Variants in GLIS3 observed in about 807,000 individuals in gnomAD.
GLIS3 encodes zinc finger protein GLIS3.
GLIS3 carries 53 observed loss-of-function variants against 78.6 expected under a neutral mutation model. The observed-to-expected ratio is 0.67, with a 90% CI of 0.54 to 0.85. The LOEUF is 0.85. GLIS3 is among the 40% of genes least tolerant of loss of function. The pLI is 0.00. For missense variants in GLIS3, 1,703 were observed against 1,231.1 expected (o/e 1.38, Z -5.74); for synonymous variants, 684 against 509.9 (o/e 1.34, Z -4.60).
intron 7 of GLIS3, among the ~76,000 whole-genome samples, chr9:3,891,781 A>G (rs889942561): frequency 6.6e-6 from 1 of 150,874 alleles, no homozygotes; most frequent in Non-Finnish European, 1.5e-5. Context: ...CTCCAGAACT[A>G]TGAATCCTAG....
intron 2 of GLIS3, among the ~76,000 whole-genome samples, chr9:4,322,000 G>A (rs1817536339): frequency 6.6e-6 from 1 of 152,046 alleles, no homozygotes; most frequent in Non-Finnish European, 1.5e-5. Flanking sequence ...TTCACATTAG[G>A]TATTTCTCCT....
intron 2 of GLIS3, among the ~76,000 whole-genome samples, chr9:4,216,479 C>CAAAAA (rs71324289): frequency 1.3e-5 from 1 of 77,048 alleles, no homozygotes; most frequent in Non-Finnish European, 2.7e-5. Context: ...GACTCTGTCT[C>CAAAAA]AAAAAAAAAA....
the GLIS3 span, among the ~76,000 whole-genome samples, chr9:4,407,186 A>G: frequency 1.3e-5 from 2 of 152,356 alleles, no homozygotes; most frequent in East Asian, 3.9e-4. Context: ...AAGAACATAT[A>G]TTGGGAAAAG....
chr9:4,252,627 T>C (rs1000522299), intron 2 of GLIS3, among the ~76,000 whole-genome samples: 6 of 152,180 alleles, frequency 3.9e-5, no homozygotes, highest in African/African-American at 1.4e-4. Context: ...ATCAAACTCA[T>C]TCTCCATCCA....
chr9:4,211,581 T>C (rs1006666533), intron 2 of GLIS3, among the ~76,000 whole-genome samples: 5 of 152,254 alleles, frequency 3.3e-5, no homozygotes, highest in African/African-American at 1.2e-4. Context: ...TTAGCAGACA[T>C]GTAAAATGGT....
chr9:4,336,564 C>T (rs1454227088), intron 2 of GLIS3, among the ~76,000 whole-genome samples: 3 of 152,114 alleles, frequency 2.0e-5, no homozygotes, highest in Non-Finnish European at 4.4e-5. Context: ...ATATAGTTTC[C>T]GTTTTATGGA....
At chr9:4,326,525 G>C (rs939534443) in intron 2 of GLIS3, among the ~76,000 whole-genome samples, 1 of 151,704 alleles carries the variant, frequency 6.6e-6, no homozygotes, top group Non-Finnish European at 1.5e-5. Flanking sequence ...AAGTGGAGTA[G>C]TGTTTACCAG....
At chr9:4,132,754 G>A (rs181513157) in intron 2 of GLIS3, among the ~76,000 whole-genome samples, 12 of 152,184 alleles carry the variant, frequency 7.9e-5, no homozygotes, top group Admixed American at 7.2e-4. Flanking sequence ...ATTCTTAATA[G>A]GTCCAAAATG....
At chr9:4,055,518 T>C (rs1826071882) in intron 4 of GLIS3, among the ~76,000 whole-genome samples, 2 of 152,142 alleles carry the variant, frequency 1.3e-5, no homozygotes, top group South Asian at 4.1e-4. Flanking sequence ...AAGCTTAAAA[T>C]ATGTCATTAC....
At chr9:4,335,018 C>G (rs1009089355) in intron 2 of GLIS3, among the ~76,000 whole-genome samples, 3 of 147,550 alleles carry the variant, frequency 2.0e-5, no homozygotes, top group African/African-American at 7.5e-5. Flanking sequence ...ATGCCATTCT[C>G]CTGCCTCAGC....
chr9:4,449,505 C>T, the GLIS3 span, among the ~76,000 whole-genome samples: 1 of 152,220 alleles, frequency 6.6e-6, no homozygotes, highest in South Asian at 2.1e-4. Flanking sequence ...TGAGAATGGA[C>T]AGACTGCCTC....
intron 2 of GLIS3, among the ~76,000 whole-genome samples, chr9:4,138,592 T>C (rs907900285): frequency 6.6e-6 from 1 of 152,072 alleles, no homozygotes; most frequent in African/African-American, 2.4e-5. Flanking sequence ...TGAGGAAGTA[T>C]TATGGAGGCA....
the GLIS3 span, among the ~76,000 whole-genome samples, chr9:4,389,062 G>C: frequency 6.6e-6 from 1 of 152,178 alleles, no homozygotes; most frequent in Non-Finnish European, 1.5e-5. Flanking sequence ...CACAGCCTCC[G>C]TAAGCCTGAA....
chr9:3,837,901 T>G (rs1257518521), intron 9 of GLIS3, among the ~76,000 whole-genome samples: 1 of 151,630 alleles, frequency 6.6e-6, no homozygotes, highest in Non-Finnish European at 1.5e-5. Flanking sequence ...CTGTGGACTT[T>G]GAGTGAAACT....
chr9:4,366,128 C>T, the GLIS3 span, among the ~76,000 whole-genome samples: 80 of 152,030 alleles, frequency 5.3e-4, no homozygotes, highest in African/African-American at 1.8e-3. Context: ...TGAGATAGGA[C>T]AGAGGATATA....
At chr9:4,129,299 T>C (rs574147503) in intron 2 of GLIS3, among the ~76,000 whole-genome samples, 24 of 152,324 alleles carry the variant, frequency 1.6e-4, no homozygotes, top group African/African-American at 5.8e-4. Context: ...TATTTCTCCA[T>C]GTCTATGTCT....
the GLIS3 span, among the ~76,000 whole-genome samples, chr9:4,406,711 ATAAACT>A: frequency 6.6e-6 from 1 of 152,214 alleles, no homozygotes; most frequent in African/African-American, 2.4e-5. Flanking sequence ...ATACCCATAC[ATAAACT>A]TAAGTACCTA....
intron 4 of GLIS3, among the ~76,000 whole-genome samples, chr9:3,967,011 CAAAAAAA>C (rs776900943): frequency 6.8e-5 from 2 of 29,598 alleles, no homozygotes; most frequent in Non-Finnish European, 1.1e-4. Context: ...TTTCTTTCTG[CAAAAAAA>C]AAAAAAAAAA....
chr9:4,424,094 A>C, the GLIS3 span, among the ~76,000 whole-genome samples: 1 of 152,256 alleles, frequency 6.6e-6, no homozygotes. Flanking sequence ...GTTCAATTAC[A>C]AGAAAACTCC....
Sources: gnomAD v4.1 joint callset for allele counts (sites outside exome capture counted in the v4.1 genomes callset) on GRCh38, gnomAD v4.1.1 for gene constraint, MANE v1.5 for transcripts, NCBI Gene and HGNC (gene_info 2026-07-23, HGNC 2026-07-21) for gene names.